The following METTL15 variants were observed in gnomAD, a reference collection of about 807,000 sequenced individuals.
METTL15 encodes 12S rRNA N(4)-cytidine methyltransferase METTL15.
Under a neutral mutation model 38.3 loss-of-function variants are expected in METTL15, and 34 were observed. That is an observed-to-expected ratio of 0.89 (90% CI 0.68 to 1.18). The LOEUF (loss-of-function observed/expected upper bound fraction) is 1.18. Among genes scored for constraint, METTL15 ranks in the 50% most tolerant of loss-of-function variants. The pLI, the probability that METTL15 is intolerant of heterozygous loss-of-function variation, is 0.00. For synonymous variants in METTL15, 162 were observed against 170.9 expected (o/e 0.95, Z 0.41); for missense variants, 438 against 498.4 (o/e 0.88, Z 1.15).
intron 3 of METTL15, among the ~76,000 whole-genome samples, chr11:28,122,868 T>C (rs1852311963): frequency 6.6e-6 from 1 of 152,000 alleles, no homozygotes; most frequent in African/African-American, 2.4e-5. Context: ...AGTTGTTCTT[T>C]CTCATGGTCC....
rs989355952 is a variant in METTL15, at chr11:28,402,221, A to G, written c.*359-22078A>G. ...TTCCTTTCCCTCACCAGTGGCAACA[A>G]GTCAATCCAACCTGTGGATTCTGCC... On this transcript the variant is annotated intron_variant and NMD_transcript_variant, in intron 5 of 7. Transcript: ENST00000532947. Among the ~76,000 whole-genome samples the G allele has an allele frequency of 3.9e-5, 6 of 151,950 alleles. 1 individual carries two copies. Among genetic ancestry groups the G allele is most frequent in the Admixed American group, 1.3e-4 (2 of 15,190 alleles).
chr11:28,121,049 T>C (rs1192092758), intron 3 of METTL15, among the ~76,000 whole-genome samples: 2 of 152,190 alleles, frequency 1.3e-5, no homozygotes, highest in Non-Finnish European at 1.5e-5. Context: ...TATATTATTT[T>C]AGTTATTTTA....
At chr11:28,434,248 G>T (rs1212492805) in intron 6 of METTL15, among the ~76,000 whole-genome samples, 1 of 152,170 alleles carries the variant, frequency 6.6e-6, no homozygotes, top group African/African-American at 2.4e-5. Flanking sequence ...GAAGAAGGAC[G>T]TGTTTACTTC....
chr11:28,238,261 A>C lies in METTL15; in HGVS notation c.407+27063A>C, dbSNP rs540640785. ...CCTTGAGCTGTGGTGGGCTCCACCC[A>C]GTGCGAGCTTCCCGGCTGCTTTGTT... On this transcript the variant is annotated intron_variant, in intron 4 of 6. Coordinates refer to ENST00000407364, the MANE Select transcript of METTL15 (RefSeq NM_001113528.2). Among the ~76,000 whole-genome samples the C allele has an allele frequency of 2.6e-5, 4 of 152,316 alleles. No individual in the cohort carries two copies. The South Asian group carries it at 8.3e-4, about 32-fold the overall frequency.
intron 3 of METTL15, among the ~76,000 whole-genome samples, chr11:28,198,843 C>T (rs984168103): frequency 2.2e-4 from 34 of 152,008 alleles, no homozygotes; most frequent in African/African-American, 7.5e-4. Context: ...TTCTAGTTGT[C>T]GACATGTTAG....
At chr11:28,184,555 T>G (rs1851422667) in intron 3 of METTL15, among the ~76,000 whole-genome samples, 1 of 152,002 alleles carries the variant, frequency 6.6e-6, no homozygotes, top group Admixed American at 6.6e-5. Flanking sequence ...TCAGTTTCCA[T>G]GTAGTTGTGC....
At chr11:28,225,816 C>T in intron 4 of METTL15, among the ~76,000 whole-genome samples, 1 of 151,624 alleles carries the variant, frequency 6.6e-6, no homozygotes, top group East Asian at 1.9e-4. Flanking sequence ...CCTATGAGCC[C>T]TCATTATTTG....
At chr11:28,228,338 C>T (rs1853561679) in intron 4 of METTL15, among the ~76,000 whole-genome samples, 1 of 148,914 alleles carries the variant, frequency 6.7e-6, no homozygotes. Flanking sequence ...CACTATAAAA[C>T]TTTGAATAGG....
intron 5 of METTL15, among the ~76,000 whole-genome samples, chr11:28,373,404 C>T (rs866286043): frequency 1.1e-4 from 17 of 152,114 alleles, no homozygotes; most frequent in Middle Eastern, 6.8e-3. Flanking sequence ...TGTTTTTTGG[C>T]TGCATAAATG....
intron 6 of METTL15, among the ~76,000 whole-genome samples, chr11:28,310,351 T>TACACACACACACAC (rs111303962): frequency 2.0e-5 from 3 of 147,060 alleles, no homozygotes; most frequent in East Asian, 2.0e-4. Flanking sequence ...TGTTCAGAGG[T>TACACACACACACAC]ACACACACAC....
downstream of METTL15, among the ~76,000 whole-genome samples, chr11:28,333,834 A>C (rs1849875137): frequency 6.6e-6 from 1 of 151,856 alleles, no homozygotes; most frequent in Non-Finnish European, 1.5e-5. Context: ...CAGTATGCCT[A>C]ATTAGATTTT....
chr11:28,388,547 C>CA, intron 5 of METTL15, among the ~76,000 whole-genome samples: 1 of 152,144 alleles, frequency 6.6e-6, no homozygotes, highest in East Asian at 1.9e-4. Flanking sequence ...TTGCTGAAAG[C>CA]AATACTAAAA....
intron 6 of METTL15, among the ~76,000 whole-genome samples, chr11:28,427,364 G>A (rs893874057): frequency 1.3e-5 from 2 of 152,144 alleles, no homozygotes; most frequent in Non-Finnish European, 2.9e-5. Context: ...AAATCAGGTA[G>A]TGTGATGCCT....
rs943381660 is a variant in METTL15 at position 28,237,181 on chromosome 11, A to T, written c.407+25983A>T. Among the ~76,000 whole-genome samples, 3 of 152,104 alleles carry T rather than the reference A, an allele frequency of 2.0e-5. No individual in the cohort carries two copies. In the South Asian group the frequency reaches 6.2e-4, roughly 32 times the overall value. On this transcript the variant is annotated intron_variant, in intron 4 of 6. Coordinates refer to ENST00000407364, the MANE Select transcript of METTL15 (RefSeq NM_001113528.2). ...TAGTTTGGGGAAGTTCTCCTGGATA[A>T]TATCCTGCAGAGTGTTTTCCAACTT...
At chr11:28,391,656 C>T (rs1024501238) in intron 5 of METTL15, among the ~76,000 whole-genome samples, 2 of 152,140 alleles carry the variant, frequency 1.3e-5, no homozygotes, top group African/African-American at 2.4e-5. Flanking sequence ...TCGGAAATAA[C>T]ACCGCTTATC....
At chr11:28,374,772 T>C (rs1850287124) in intron 5 of METTL15, among the ~76,000 whole-genome samples, 1 of 151,232 alleles carries the variant, frequency 6.6e-6, no homozygotes, top group Non-Finnish European at 1.5e-5. Context: ...TTCCAGTTTT[T>C]GCCCATTCAG....
chr11:28,524,583 A>C (rs1831710448), intron 6 of METTL15, among the ~76,000 whole-genome samples: 1 of 152,216 alleles, frequency 6.6e-6, no homozygotes, highest in African/African-American at 2.4e-5. Flanking sequence ...TCGATGAGTA[A>C]TTACTTAGTG....
At chr11:28,156,166 A>G (rs1462968540) in intron 3 of METTL15, among the ~76,000 whole-genome samples, 1 of 152,140 alleles carries the variant, frequency 6.6e-6, no homozygotes, top group African/African-American at 2.4e-5. Flanking sequence ...TAAGATTTGG[A>G]AGTCACCTCA....
At chr11:28,431,790 TAAAAAAAAA>T (rs869087503) in intron 6 of METTL15, among the ~76,000 whole-genome samples, 2 of 71,496 alleles carry the variant, frequency 2.8e-5, no homozygotes, top group East Asian at 7.9e-4. Flanking sequence ...AAAATAAATT[TAAAAAAAAA>T]AAAAAAAAGA....
Sources: allele counts gnomAD v4.1 joint callset (sites outside exome capture counted in the v4.1 genomes callset), GRCh38; gene constraint gnomAD v4.1.1; transcripts MANE v1.5; gene names NCBI Gene and HGNC (gene_info 2026-07-23, HGNC 2026-07-21).